The following PACRG variants were observed in gnomAD, a reference collection of about 807,000 sequenced individuals.
PACRG encodes the protein parkin coregulated, also known as parkin coregulated gene protein.
Under a neutral mutation model 29.7 loss-of-function variants are expected in PACRG, and 29 were observed. The observed-to-expected ratio is 0.98, with a 90% CI of 0.73 to 1.33. The LOEUF is 1.33. Among genes scored for constraint, PACRG ranks in the 40% most tolerant of loss-of-function variants. The probability of loss-of-function intolerance (pLI) is 0.00; values close to 1 mark genes in which losing one functional copy is unlikely to be tolerated. For synonymous variants in PACRG, 116 were observed against 118.7 expected, an observed-to-expected ratio of 0.98 and a Z score of 0.15; for missense variants, 279 against 316.2, an observed-to-expected ratio of 0.88 and a Z score of 0.89.
intron 2 of PACRG, among the ~76,000 whole-genome samples, chr6:162,976,676 T>C (rs1801988596): frequency 1.3e-5 from 2 of 152,224 alleles, no homozygotes; most frequent in Non-Finnish European, 2.9e-5. Context: ...ATTTTTATCG[T>C]TTAACTTCTT....
At position 162,841,822 on chromosome 6, in the gene PACRG, C is replaced by T. The variant is rs1460930706; in HGVS notation, c.291+27541C>T. ...CTTTGTTCTCGTTGGTTTCAAAGAA[C>T]ATCTTTATTTCTGCCTTCATTTCGT... On this transcript the variant is annotated intron_variant, in intron 2 of 4. Transcript: ENST00000366888. Among the ~76,000 whole-genome samples the T allele has an allele frequency of 7.3e-4, 111 of 152,162 alleles. No homozygotes were observed. The Middle Eastern group carries it at 0.01, about 14-fold the overall frequency.
intron 2 of PACRG, among the ~76,000 whole-genome samples, chr6:162,941,851 A>C (rs1386407268): frequency 6.6e-6 from 1 of 152,204 alleles, no homozygotes; most frequent in African/African-American, 2.4e-5. Flanking sequence ...ACTCCATAAA[A>C]GTTATCAGTT....
intron 2 of PACRG, among the ~76,000 whole-genome samples, chr6:162,977,654 A>G (rs1369162809): frequency 6.6e-6 from 1 of 152,152 alleles, no homozygotes; most frequent in Non-Finnish European, 1.5e-5. Context: ...TTAAATATTT[A>G]GAATAGTATT....
intron 1 of PACRG, among the ~76,000 whole-genome samples, chr6:162,741,706 G>A (rs1055453258): frequency 6.6e-6 from 1 of 152,186 alleles, no homozygotes; most frequent in African/African-American, 2.4e-5. Flanking sequence ...TGGGATTGCT[G>A]TGTTTGGCTC....
chr6:163,103,164 A>G (rs1231339231), intron 4 of PACRG, among the ~76,000 whole-genome samples: 1 of 152,208 alleles, frequency 6.6e-6, no homozygotes, highest in Non-Finnish European at 1.5e-5. Context: ...TAATAAGGGG[A>G]TCAAAGTGTC....
At chr6:163,280,271 G>A (rs1585395799) in intron 4 of PACRG, among the ~76,000 whole-genome samples, 1 of 152,162 alleles carries the variant, frequency 6.6e-6, no homozygotes, top group Admixed American at 6.5e-5. Context: ...TCCTCTGAAC[G>A]TCCTGCTCTG....
At chr6:163,207,367 C>G (rs1036358198) in intron 4 of PACRG, among the ~76,000 whole-genome samples, 2 of 152,130 alleles carry the variant, frequency 1.3e-5, no homozygotes, top group African/African-American at 4.8e-5. Context: ...CTGAAAATAA[C>G]AAATGATCAA....
intron 4 of PACRG, among the ~76,000 whole-genome samples, chr6:163,270,004 A>G (rs373950154): frequency 2.8e-4 from 32 of 115,750 alleles, no homozygotes; most frequent in Admixed American, 6.6e-4. Context: ...AGAAAGAAAG[A>G]AAGGAGGGAG....
Position 163,145,657 on chromosome 6 carries a change from C to T in PACRG, c.613+56249C>T, listed in dbSNP as rs535209636. ...GAACATCCCACACTACACAGGACAG[C>T]GCCACCACAAAGGACAGAAAGCGTC... On this transcript the variant is annotated intron_variant, in intron 4 of 4. Coordinates refer to ENST00000366888, the MANE Select transcript of PACRG (RefSeq NM_001080379.2). Among the ~76,000 whole-genome samples the T allele has an allele frequency of 7.2e-5, 11 of 152,294 alleles. No homozygotes were observed. The South Asian group carries it at 2.1e-3, about 29-fold the overall frequency.
At chr6:163,289,863 T>A (rs1180367143) in intron 4 of PACRG, among the ~76,000 whole-genome samples, 1 of 152,054 alleles carries the variant, frequency 6.6e-6, no homozygotes, top group East Asian at 1.9e-4. Context: ...TTATTTTATT[T>A]TGAGGTGGAG....
At chr6:163,167,115 T>G (rs533196443) in intron 4 of PACRG, among the ~76,000 whole-genome samples, 26 of 152,350 alleles carry the variant, frequency 1.7e-4, no homozygotes, top group Non-Finnish European at 3.7e-4. Flanking sequence ...GGCTAAAATG[T>G]CTGCACAATC....
intron 4 of PACRG, among the ~76,000 whole-genome samples, chr6:163,147,667 A>C (rs956008380): frequency 6.6e-6 from 1 of 152,202 alleles, no homozygotes; most frequent in Non-Finnish European, 1.5e-5. Context: ...AATAGTTAGC[A>C]AATGTTCCTC....
At chr6:163,017,267 C>T (rs1806199566) in intron 2 of PACRG, among the ~76,000 whole-genome samples, 1 of 152,090 alleles carries the variant, frequency 6.6e-6, no homozygotes, top group Non-Finnish European at 1.5e-5. Flanking sequence ...GGGGGAGATA[C>T]AGCTCCAAGG....
intron 4 of PACRG, among the ~76,000 whole-genome samples, chr6:163,181,788 C>A (rs1282619400): frequency 6.6e-6 from 1 of 151,972 alleles, no homozygotes; most frequent in Non-Finnish European, 1.5e-5. Context: ...GGGAAAAAGT[C>A]CAGCATACCG....
intron 4 of PACRG, among the ~76,000 whole-genome samples, chr6:163,150,339 G>C (rs1444181273): frequency 6.6e-6 from 1 of 152,166 alleles, no homozygotes; most frequent in Non-Finnish European, 1.5e-5. Flanking sequence ...CCACTTGTCA[G>C]ATCCCAGCAG....
intron 2 of PACRG, among the ~76,000 whole-genome samples, chr6:163,041,484 T>G (rs1808715427): frequency 6.6e-6 from 1 of 152,174 alleles, no homozygotes; most frequent in Admixed American, 6.5e-5. Context: ...AAGTGCAGTT[T>G]CCTCTGCGCT....
At chr6:163,300,965 C>A (rs112506883) in intron 4 of PACRG, among the ~76,000 whole-genome samples, 1,295 of 130,250 alleles carry the variant, frequency 9.9e-3, no homozygotes, top group Middle Eastern at 0.024. Context: ...GGGCCACGTC[C>A]GCTGCTTCCC....
At chr6:163,238,073 C>T (rs921734598) in intron 4 of PACRG, among the ~76,000 whole-genome samples, 1 of 152,016 alleles carries the variant, frequency 6.6e-6, no homozygotes, top group East Asian at 1.9e-4. Context: ...GTTGCCAAAC[C>T]CTTTTAGTAA....
intron 4 of PACRG, among the ~76,000 whole-genome samples, chr6:163,203,655 T>C (rs779385338): frequency 6.6e-6 from 1 of 152,304 alleles, no homozygotes; most frequent in East Asian, 1.9e-4. Context: ...TCTGAATCCA[T>C]AGGACAATAA....
Sources: gnomAD v4.1 joint callset for allele counts (sites outside exome capture counted in the v4.1 genomes callset) on GRCh38, gnomAD v4.1.1 for gene constraint, MANE v1.5 for transcripts, NCBI Gene and HGNC (gene_info 2026-07-23, HGNC 2026-07-21) for gene names.